The following CTTNBP2NL variants were observed in gnomAD, a reference collection of about 807,000 sequenced individuals.
CTTNBP2NL encodes CTTNBP2 N-terminal like, also known as CTTNBP2 N-terminal-like protein.
CTTNBP2NL carries 16 observed loss-of-function variants against 32.5 expected under a neutral mutation model. That is an observed-to-expected ratio of 0.49 (90% CI 0.33 to 0.75). The LOEUF (loss-of-function observed/expected upper bound fraction) is 0.75, where lower values mean the gene tolerates loss of function less well. Among genes scored for constraint, CTTNBP2NL ranks in the 30% least tolerant of loss-of-function variants. The pLI is 0.02. For missense variants in CTTNBP2NL, 645 were observed against 756.0 expected (o/e 0.85, Z 1.72); for synonymous variants, 298 against 289.4 (o/e 1.03, Z -0.30).
At chr1:112,439,396 T>C (rs1179855614) in intron 3 of CTTNBP2NL, among the ~76,000 whole-genome samples, 4 of 152,222 alleles carry the variant, frequency 2.6e-5, no homozygotes, top group East Asian at 3.8e-4. Context: ...TTTCTTGGCA[T>C]GTTTCTGTGT....
chr1:112,430,176 C>CTTTTCTT (rs1472702621), intron 3 of CTTNBP2NL, among the ~76,000 whole-genome samples: 35 of 75,556 alleles, frequency 4.6e-4, no homozygotes, highest in African/African-American at 1.6e-3. Context: ...TCTTTCTTTT[C>CTTTTCTT]TTTTCTTTTC....
chr1:112,419,121 G>A (rs1189430746), intron 3 of CTTNBP2NL, among the ~76,000 whole-genome samples: 3 of 152,160 alleles, frequency 2.0e-5, no homozygotes, highest in East Asian at 1.9e-4. Flanking sequence ...TCATAAAATA[G>A]GGATATCCTC....
intron 3 of CTTNBP2NL, among the ~76,000 whole-genome samples, chr1:112,435,658 T>C (rs911685414): frequency 2.0e-5 from 3 of 152,226 alleles, no homozygotes; most frequent in Non-Finnish European, 4.4e-5. Context: ...AATCATTGCA[T>C]TGTGTTCGTT....
At chr1:112,419,745 A>T (rs1266214832) in intron 3 of CTTNBP2NL, among the ~76,000 whole-genome samples, 2 of 152,186 alleles carry the variant, frequency 1.3e-5, no homozygotes, top group African/African-American at 4.8e-5. Flanking sequence ...TTTTTAAAAA[A>T]ATCAGATATT....
At position 112,461,103 on chromosome 1, in the gene CTTNBP2NL, C is replaced by T. The variant is rs1650539897; in HGVS notation, c.*3691C>T. ...AACTAGTTGAGAAATGAGAGCCTGTCCACCCACCATTTGTGTATCAGTGGC... is the reference window on the plus strand; with the variant it reads ...AACTAGTTGAGAAATGAGAGCCTGTTCACCCACCATTTGTGTATCAGTGGC... On this transcript the variant is annotated 3_prime_UTR_variant, in exon 6 of 6. Transcript: ENST00000271277. The T allele has an allele frequency of 6.6e-6, 1 of 152,112 alleles. No homozygotes were observed. Among genetic ancestry groups the T allele is most frequent in the Admixed American group, 6.6e-5 (1 of 15,266 alleles). 9.4% of individuals were successfully genotyped at this position (152,112 alleles called of 1,614,324 possible).
intron 3 of CTTNBP2NL, among the ~76,000 whole-genome samples, chr1:112,438,652 T>G (rs1258645703): frequency 5.9e-5 from 9 of 152,208 alleles, no homozygotes; most frequent in Non-Finnish European, 1.3e-4. Context: ...TCAAGGGGAA[T>G]GCTTCCAGCT....
chr1:112,415,980 C>T, intron 2 of CTTNBP2NL, 177 bp from the exon 3 acceptor site: 1 of 522,624 alleles, frequency 1.9e-6, no homozygotes, highest in East Asian at 3.6e-5. Context: ...ATTTTACTTT[C>T]TGTTGTTGCT....
chr1:112,412,704 C>T (rs1648915660), intron 2 of CTTNBP2NL, among the ~76,000 whole-genome samples: 2 of 150,026 alleles, frequency 1.3e-5, no homozygotes, highest in South Asian at 2.1e-4. Flanking sequence ...GCCATCTCCA[C>T]CTCCCAGGTT....
At chr1:112,413,004 G>T (rs903472923) in intron 2 of CTTNBP2NL, among the ~76,000 whole-genome samples, 1 of 152,120 alleles carries the variant, frequency 6.6e-6, no homozygotes, top group African/African-American at 2.4e-5. Flanking sequence ...GATAATAAAA[G>T]AATTCTTCTT....
intron 3 of CTTNBP2NL, among the ~76,000 whole-genome samples, chr1:112,422,039 T>G (rs1649247712): frequency 6.6e-6 from 1 of 151,166 alleles, no homozygotes; most frequent in African/African-American, 2.5e-5. Context: ...TTTTGATATG[T>G]GTTTCCCCAA....
chr1:112,415,407 G>A (rs1178427084), intron 2 of CTTNBP2NL, among the ~76,000 whole-genome samples: 4 of 152,056 alleles, frequency 2.6e-5, no homozygotes, highest in Non-Finnish European at 5.9e-5. Context: ...CAATTGAAGA[G>A]GGATATCAGA....
chr1:112,434,180 T>C (rs1270458536), intron 3 of CTTNBP2NL, among the ~76,000 whole-genome samples: 3 of 152,252 alleles, frequency 2.0e-5, no homozygotes. Flanking sequence ...TCATCAGTTT[T>C]ATTGGTTTCT....
Position 112,416,243 on chromosome 1 carries a change from CCTTGT to C in CTTNBP2NL, c.79_83del (p.Leu27TyrfsTer14). The C allele has an allele frequency of 6.3e-7, 1 of 1,587,854 alleles. No homozygotes were observed. The highest frequency in any genetic ancestry group is 8.6e-7 in the Non-Finnish European group (1 of 1,162,624). Reference sequence around the variant, plus strand: ...TTGAAGGAGAGCTTGAAGCAAGGGACCTTGTTATAGAAGCCTTAAAGGTATGTTAA... The same window carrying C: ...TTGAAGGAGAGCTTGAAGCAAGGGACTATAGAAGCCTTAAAGGTATGTTAA... On this transcript the variant is annotated frameshift_variant, in exon 3 of 6. Transcript: ENST00000271277. LOFTEE classifies it high-confidence loss of function.
intron 1 of CTTNBP2NL, among the ~76,000 whole-genome samples, chr1:112,401,343 C>A (rs1648492542): frequency 6.6e-6 from 1 of 152,036 alleles, no homozygotes; most frequent in Non-Finnish European, 1.5e-5. Flanking sequence ...TTTTGTCATG[C>A]AGATTATCTT....
chr1:112,431,385 T>C (rs1164882899), intron 3 of CTTNBP2NL, among the ~76,000 whole-genome samples: 2 of 151,934 alleles, frequency 1.3e-5, no homozygotes, highest in Admixed American at 6.5e-5. Context: ...CTAAAACATA[T>C]CATTTAGTAT....
intron 4 of CTTNBP2NL, among the ~76,000 whole-genome samples, chr1:112,454,222 C>G (rs929232779): frequency 6.6e-6 from 1 of 152,168 alleles, no homozygotes; most frequent in African/African-American, 2.4e-5. Context: ...ATATCATTCT[C>G]TACATACTTC....
intron 3 of CTTNBP2NL, among the ~76,000 whole-genome samples, chr1:112,433,266 G>GTGTGTA (rs1485228637): frequency 6.6e-6 from 1 of 152,138 alleles, no homozygotes; most frequent in Non-Finnish European, 1.5e-5. Flanking sequence ...GTGTGTGTGT[G>GTGTGTA]TGTGTATGTG....
At chr1:112,412,050 G>A (rs1463859923) in intron 1 of CTTNBP2NL, 144 bp from the exon 2 acceptor site, 1 of 152,142 alleles carries the variant, frequency 6.6e-6, no homozygotes, top group East Asian at 1.9e-4. Context: ...ACTTCAACTT[G>A]AAGAACTGGC....
chr1:112,408,774 CTT>C (rs534615997), intron 1 of CTTNBP2NL, among the ~76,000 whole-genome samples: 80 of 151,942 alleles, frequency 5.3e-4, no homozygotes, highest in Non-Finnish European at 1.0e-3. Flanking sequence ...CATCTTGGCT[CTT>C]TGAGTTTTAA....
Sources: allele counts gnomAD v4.1 joint callset (sites outside exome capture counted in the v4.1 genomes callset), GRCh38; gene constraint gnomAD v4.1.1; transcripts MANE v1.5; gene names NCBI Gene and HGNC (gene_info 2026-07-23, HGNC 2026-07-21).